TRAK1: variants seen among roughly 807,000 people sequenced by gnomAD.
TRAK1 encodes trafficking kinesin protein 1.
TRAK1 carries 33 observed loss-of-function variants against 92.1 expected under a neutral mutation model. The observed-to-expected ratio is 0.36, with a 90% CI of 0.27 to 0.48. The LOEUF is 0.48. TRAK1 is among the 20% of genes least tolerant of loss of function. The pLI is 0.99. For synonymous variants in TRAK1, 521 were observed against 517.3 expected (o/e 1.01, Z -0.10); for missense variants, 1,123 against 1,257.9 (o/e 0.89, Z 1.62).
In TRAK1 at chr3:42,188,142, C is replaced by A. The variant is rs776085414; in HGVS notation, c.578C>A (p.Thr193Asn). Residue 193 changes from threonine to asparagine, a missense_variant, in exon 5 of 16, where the codon ACC becomes AAC. Transcript: ENST00000327628. The stretch of plus-strand genomic sequence containing the variant: ...AGTGAGCCCGAGTCCGTTTGCTCAA[C>A]CCCGTAAGTCACCAGAGGGCTGTAT... ...EESEPESVCS[T>N]PLKRNESSSS... 6.2e-7 allele frequency: 1 copy of A among 1,614,054 alleles called. No homozygotes were observed. The highest frequency in any genetic ancestry group is 1.1e-5 in the South Asian group (1 of 91,080).
Position 42,223,313 on chromosome 3 carries a change from A to C in TRAK1, c.2438A>C (p.Lys813Thr). 1 of 1,614,198 alleles carries C rather than the reference A, an allele frequency of 6.2e-7. No homozygotes were observed. Reference protein sequence around the residue: ...SPPYDNFLASKPASSILREVR... With the variant: ...SPPYDNFLASTPASSILREVR... ...CCCTACGACAATTTCCTGGCTTCCA[A>C]GCCAGCCAGCTCCATCCTGAGGGAA... Residue 813 changes from lysine to threonine, a missense_variant, in exon 16 of 16, where the codon AAG (lysine) becomes ACG (threonine). By Grantham distance (78) the Lys-to-Thr change is moderately conservative. Coordinates refer to ENST00000327628, the MANE Select transcript of TRAK1 (RefSeq NM_001042646.3). This position sits in a 1 kb window ranked among gnomAD's most constrained non-coding sequence, Gnocchi z 6.1.
chr3:42,112,471 A>G (rs1559782886), intron 1 of TRAK1, among the ~76,000 whole-genome samples: 3 of 150,872 alleles, frequency 2.0e-5, no homozygotes, highest in Admixed American at 6.6e-5. Flanking sequence ...GCAGTGGCTC[A>G]TGCCTGTAAT....
intron 1 of TRAK1, among the ~76,000 whole-genome samples, chr3:42,078,473 G>A (rs1704262972): frequency 6.6e-6 from 1 of 152,124 alleles, no homozygotes; most frequent in African/African-American, 2.4e-5. Context: ...TGAGGCAGAG[G>A]CCAGGCACGG....
intron 1 of TRAK1, among the ~76,000 whole-genome samples, chr3:42,059,623 A>G (rs1256106878): frequency 6.6e-6 from 1 of 152,102 alleles, no homozygotes; most frequent in Non-Finnish European, 1.5e-5. Flanking sequence ...GTTTTCCTTC[A>G]TATTTGTGTT....
intron 1 of TRAK1, among the ~76,000 whole-genome samples, chr3:42,112,735 C>CAAAAA (rs774716012): frequency 9.1e-5 from 5 of 54,712 alleles, no homozygotes; most frequent in African/African-American, 2.0e-4. Context: ...GACTCTGTCT[C>CAAAAA]AAAAAAAAAA....
intron 2 of TRAK1, among the ~76,000 whole-genome samples, chr3:42,139,016 T>A (rs111958712): frequency 4.0e-5 from 6 of 150,914 alleles, no homozygotes; most frequent in African/African-American, 1.2e-4. Flanking sequence ...GAAGGAAGGA[T>A]AAATTATTGG....
At chr3:42,211,132 C>G in intron 14 of TRAK1, 1 of 985,172 alleles carries the variant, frequency 1.0e-6, no homozygotes, top group Non-Finnish European at 1.2e-6. Flanking sequence ...GAAGTGAGGA[C>G]GTTTATCTTT....
At chr3:42,160,023 A>C in intron 2 of TRAK1, 2 of 351,696 alleles carry the variant, frequency 5.7e-6, no homozygotes, top group Non-Finnish European at 8.6e-6. Flanking sequence ...TAGGAGGCCG[A>C]GAGCTTGCTG....
chr3:42,109,830 T>C lies in TRAK1; in HGVS notation c.92-15590T>C, dbSNP rs570115655. On this transcript the variant is annotated intron_variant, in intron 1 of 15. Coordinates refer to ENST00000327628, the MANE Select transcript of TRAK1 (RefSeq NM_001042646.3). ...ACATGGATGAAGCTGGAAACCATCA[T>C]TCTCAGCAAACTGTCCCAAGGACAG... Among the ~76,000 whole-genome samples the C allele has an allele frequency of 3.7e-4, 57 of 152,098 alleles. 1 individual carries two copies. In the Middle Eastern group the frequency reaches 0.014, roughly 36 times the overall value.
intron 4 of TRAK1, among the ~76,000 whole-genome samples, chr3:42,186,723 TCCAGCTC>T (rs1334516449): frequency 2.6e-5 from 4 of 152,208 alleles, no homozygotes; most frequent in African/African-American, 9.7e-5. Context: ...ACAAAGAGGA[TCCAGCTC>T]TCTGGGAGTG....
upstream of TRAK1, among the ~76,000 whole-genome samples, chr3:42,086,311 C>CTTTCTTTTTTTTT (rs1553711095): frequency 1.4e-5 from 2 of 140,478 alleles, no homozygotes; most frequent in Admixed American, 7.0e-5. Flanking sequence ...CTTTTTCTTT[C>CTTTCTTTTTTTTT]TTTTTTTTTT....
At chr3:42,132,728 C>T (rs188404328) in intron 2 of TRAK1, among the ~76,000 whole-genome samples, 34 of 152,188 alleles carry the variant, frequency 2.2e-4, no homozygotes, top group Admixed American at 4.6e-4. Context: ...TAAATGTTGG[C>T]GTGCCCAGCC....
chr3:42,174,034 A>G (rs983289449), intron 2 of TRAK1, among the ~76,000 whole-genome samples: 16 of 152,254 alleles, frequency 1.1e-4, no homozygotes, highest in Admixed American at 3.3e-4. Context: ...GATTACATAA[A>G]ATAATCCATA....
chr3:42,223,732 C>A lies in TRAK1; in HGVS notation c.2857C>A (p.Arg953=). ...TAAGCTCTCCAAACAAACTAGCTTA[C>A]GGTGAGGACTGGAGGGGGGCCGGTT... ...GAKLSKQTSL[R] is the part of the protein sequence containing the mutation. Residue 953 remains arginine (R), a synonymous_variant, in exon 16 of 16, where the codon CGG becomes AGG. Coordinates refer to ENST00000327628, the MANE Select transcript of TRAK1 (RefSeq NM_001042646.3). The surrounding 1 kb of genome is among the most constrained non-coding windows in gnomAD (Gnocchi z 6.1). 1 of 1,601,868 alleles carries A rather than the reference C, an allele frequency of 6.2e-7. No homozygotes were observed.
intron 14 of TRAK1, chr3:42,211,816 C>CA: frequency 2.0e-6 from 2 of 985,454 alleles, no homozygotes; most frequent in South Asian, 9.4e-5. Context: ...TCTCTGTACT[C>CA]AAACCTGTGG....
chr3:42,020,635 G>A (rs957542367), intron 1 of TRAK1, among the ~76,000 whole-genome samples: 4 of 152,094 alleles, frequency 2.6e-5, no homozygotes, highest in African/African-American at 7.2e-5. Flanking sequence ...CATTTCTATC[G>A]GGTATATGCT....
rs1710099917 is a variant in TRAK1, at chr3:42,219,484, C to T, written c.1964-10C>T. On this transcript the variant is annotated splice_polypyrimidine_tract_variant and intron_variant, in intron 14 of 15. Coordinates refer to ENST00000327628, the MANE Select transcript of TRAK1 (RefSeq NM_001042646.3). ...GATGCAAGGAATATGTTTTGTTCCT[C>T]CCAATTTAGCGCACCATCCTGGGAA... The T allele has an allele frequency of 1.2e-6, 2 of 1,613,930 alleles. No individual in the cohort carries two copies. The highest frequency in any genetic ancestry group is 1.7e-5 in the Admixed American group (1 of 59,996).
In TRAK1 at chr3:42,020,473, C is replaced by T. The variant is rs1042110960; in HGVS notation, c.-519+6356C>T. 4.6e-5 allele frequency among the ~76,000 whole-genome samples: 7 copies of T among 152,198 alleles called. No homozygotes were observed. The East Asian group carries it at 7.7e-4, about 17-fold the overall frequency. On this transcript the variant is annotated intron_variant, in intron 1 of 16. Coordinates refer to the TRAK1 transcript ENST00000487159. The stretch of plus-strand genomic sequence containing the variant: ...AATGTTCATCCATTTGTTGCATGTA[C>T]TAGTGCTTCATTCCTTTTTAGTGTG...
chr3:42,219,697 A>G, intron 15 of TRAK1, 101 bp downstream of exon 15: 2 of 1,358,630 alleles, frequency 1.5e-6, no homozygotes, highest in Non-Finnish European at 2.1e-6. Flanking sequence ...AGAGAGGCTC[A>G]TAGAAAAACC....
Sources: gnomAD v4.1 joint callset for allele counts (sites outside exome capture counted in the v4.1 genomes callset) on GRCh38, gnomAD v4.1.1 for gene constraint, Gnocchi (gnomAD v3.1) non-coding constraint, MANE v1.5 for transcripts, NCBI Gene and HGNC (gene_info 2026-07-23, HGNC 2026-07-21) for gene names.